TOX2: variants seen among roughly 807,000 people sequenced by gnomAD.
TOX2 encodes TOX high mobility group box family member 2, also known as granulosa cell HMG box 1.
A neutral mutation model predicts 47.4 loss-of-function variants in TOX2; 15 were observed. The observed-to-expected ratio is 0.32, with a 90% CI of 0.21 to 0.49. The LOEUF (loss-of-function observed/expected upper bound fraction) is 0.49, where lower values mean the gene tolerates loss of function less well. Among genes scored for constraint, TOX2 ranks in the 20% least tolerant of loss-of-function variants. The pLI, the probability that TOX2 is intolerant of heterozygous loss-of-function variation, is 0.99. For missense variants in TOX2, 622 were observed against 673.1 expected (o/e 0.92, Z 0.84); for synonymous variants, 290 against 296.6 (o/e 0.98, Z 0.23).
intron 3 of TOX2, among the ~76,000 whole-genome samples, chr20:44,009,280 A>G (rs933060169): frequency 6.6e-6 from 1 of 152,152 alleles, no homozygotes; most frequent in African/African-American, 2.4e-5. Context: ...GTATTTTTAT[A>G]AGGCACGTCA....
chr20:44,026,083 G>C (rs2071057058), intron 3 of TOX2, among the ~76,000 whole-genome samples: 1 of 151,764 alleles, frequency 6.6e-6, no homozygotes, highest in Non-Finnish European at 1.5e-5. Context: ...TTGAACGGCT[G>C]TACCTGATTG....
chr20:43,982,801 C>G (rs1404130657), intron 2 of TOX2, among the ~76,000 whole-genome samples: 19 of 150,930 alleles, frequency 1.3e-4, no homozygotes, highest in African/African-American at 4.6e-4. Context: ...TAGGGACAAT[C>G]AGCAGGGGTC....
chr20:43,929,692 T>A (rs1005404857), intron 1 of TOX2, among the ~76,000 whole-genome samples: 2 of 152,184 alleles, frequency 1.3e-5, no homozygotes, highest in Non-Finnish European at 2.9e-5. Flanking sequence ...TGAGTATTTT[T>A]ATTTTTTAAT....
intron 3 of TOX2, among the ~76,000 whole-genome samples, chr20:44,011,024 A>G (rs2070770086): frequency 6.6e-6 from 1 of 152,080 alleles, no homozygotes; most frequent in Non-Finnish European, 1.5e-5. Context: ...TCGTGGCTGC[A>G]TCATTCTGAT....
chr20:44,051,908 C>T (rs2071519602), intron 4 of TOX2, among the ~76,000 whole-genome samples: 1 of 152,274 alleles, frequency 6.6e-6, no homozygotes, highest in East Asian at 1.9e-4. Context: ...CTCCCACAGC[C>T]TTGTGCGTAA....
intron 3 of TOX2, among the ~76,000 whole-genome samples, chr20:44,033,894 T>TTTCCTTC (rs1299117409): frequency 7.2e-5 from 11 of 152,022 alleles, no homozygotes; most frequent in Non-Finnish European, 1.5e-4. Flanking sequence ...ATACACAGAG[T>TTTCCTTC]CTCTGCTGCC....
chr20:43,932,637 C>T (rs987235047), intron 1 of TOX2, among the ~76,000 whole-genome samples: 3 of 152,164 alleles, frequency 2.0e-5, no homozygotes, highest in Non-Finnish European at 4.4e-5. Flanking sequence ...GTCTTCTCTG[C>T]ACATAGGACT....
chr20:44,036,838 G>A (rs1013002751), intron 3 of TOX2, among the ~76,000 whole-genome samples: 15 of 152,352 alleles, frequency 9.8e-5, no homozygotes, highest in Non-Finnish European at 1.3e-4. Flanking sequence ...CAAATATAGC[G>A]AATATTTGTG....
intron 4 of TOX2, 74 bp downstream of exon 4, chr20:44,051,619 C>T: frequency 6.6e-7 from 1 of 1,510,864 alleles, no homozygotes; most frequent in Non-Finnish European, 8.9e-7. Context: ...GGGAAATGGG[C>T]ATCACCTCCC....
At chr20:44,040,225 G>A (rs1477176482) in intron 3 of TOX2, among the ~76,000 whole-genome samples, 1 of 152,186 alleles carries the variant, frequency 6.6e-6, no homozygotes, top group African/African-American at 2.4e-5. Flanking sequence ...GAATCATCAC[G>A]GGGATGCCCC....
At chr20:44,004,343 G>C (rs1006888748) in intron 2 of TOX2, among the ~76,000 whole-genome samples, 11 of 152,194 alleles carry the variant, frequency 7.2e-5, no homozygotes, top group African/African-American at 2.4e-4. Context: ...GTCCACCTGG[G>C]GAGGCAATGT....
chr20:43,987,088 T>C (rs1288191513), intron 2 of TOX2, among the ~76,000 whole-genome samples: 1 of 152,136 alleles, frequency 6.6e-6, no homozygotes, highest in Non-Finnish European at 1.5e-5. Flanking sequence ...AGGAGTGTTT[T>C]TCATTAAAGC....
intron 1 of TOX2, among the ~76,000 whole-genome samples, chr20:43,951,212 C>T (rs1215171428): frequency 1.3e-5 from 2 of 152,160 alleles, no homozygotes; most frequent in Non-Finnish European, 2.9e-5. Flanking sequence ...GTTTGAATCC[C>T]AGCTCCACCA....
intron 2 of TOX2, among the ~76,000 whole-genome samples, chr20:44,000,637 C>T (rs1366090591): frequency 6.6e-6 from 1 of 151,882 alleles, no homozygotes; most frequent in Non-Finnish European, 1.5e-5. Flanking sequence ...GTCCATAATG[C>T]CATGAGTCTG....
At chr20:44,057,721 ATAATCATTTATTCAACTTATGATTCT>A (rs1311292460) in intron 5 of TOX2, among the ~76,000 whole-genome samples, 2 of 152,242 alleles carry the variant, frequency 1.3e-5, no homozygotes, top group South Asian at 2.1e-4. Context: ...GCTTAAAACA[ATAATCATTTATTCAACTTATGATTCT>A]GAGGGTCCAT....
chr20:44,011,600 C>G (rs2070779038), intron 3 of TOX2, among the ~76,000 whole-genome samples: 3 of 152,248 alleles, frequency 2.0e-5, no homozygotes, highest in African/African-American at 7.2e-5. Context: ...CCCCTGCCAT[C>G]CACCTCTCAG....
intron 5 of TOX2, among the ~76,000 whole-genome samples, chr20:44,057,864 G>T (rs1010693920): frequency 2.6e-5 from 4 of 152,226 alleles, no homozygotes; most frequent in Non-Finnish European, 5.9e-5. Flanking sequence ...GCTTCTGGGA[G>T]TTGGATGGCT....
At chr20:44,040,638 G>A (rs2071316921) in intron 3 of TOX2, among the ~76,000 whole-genome samples, 1 of 152,288 alleles carries the variant, frequency 6.6e-6, no homozygotes, top group African/African-American at 2.4e-5. Context: ...AAGTGGACAT[G>A]GTCAGCACAG....
At chr20:43,975,043 G>C (rs1370857628) in intron 2 of TOX2, among the ~76,000 whole-genome samples, 1 of 152,252 alleles carries the variant, frequency 6.6e-6, no homozygotes, top group East Asian at 1.9e-4. Flanking sequence ...ATCAACTGAA[G>C]TCTCATCTCA....
Sources: gnomAD v4.1 joint callset for allele counts (sites outside exome capture counted in the v4.1 genomes callset) on GRCh38, gnomAD v4.1.1 for gene constraint, MANE v1.5 for transcripts, NCBI Gene and HGNC (gene_info 2026-07-23, HGNC 2026-07-21) for gene names.